LOC128706666: variants seen among roughly 807,000 people sequenced by gnomAD.
the LOC128706666 span, among the ~76,000 whole-genome samples, chr20:10,426,722 G>A: frequency 1.4e-4 from 22 of 152,148 alleles, no homozygotes; most frequent in Non-Finnish European, 3.2e-4. Flanking sequence ...TGATTTTCAT[G>A]TCAGGTATAT....
At chr20:10,413,890 C>A in the LOC128706666 span, 1 of 422,314 alleles carries the variant, frequency 2.4e-6, no homozygotes, top group Non-Finnish European at 4.2e-6. Context: ...TTTTTCATCT[C>A]TTCTTTCGAT....
chr20:10,420,032 A>G, the LOC128706666 span, among the ~76,000 whole-genome samples: 3 of 152,158 alleles, frequency 2.0e-5, no homozygotes, highest in Admixed American at 1.3e-4. Context: ...AACTTTTTGA[A>G]TTTTGGAATT....
the LOC128706666 span, among the ~76,000 whole-genome samples, chr20:10,417,914 A>G: frequency 7.7e-4 from 118 of 152,304 alleles, 1 homozygote; most frequent in Middle Eastern, 0.01. Flanking sequence ...GAATGTGGGA[A>G]ATTTTTTAAA....
At chr20:10,416,378 G>T in the LOC128706666 span, among the ~76,000 whole-genome samples, 1 of 151,936 alleles carries the variant, frequency 6.6e-6, no homozygotes, top group African/African-American at 2.4e-5. Context: ...CCAAAAGTAA[G>T]GATGTTATTA....
the LOC128706666 span, among the ~76,000 whole-genome samples, chr20:10,431,093 T>C: frequency 2.0e-5 from 3 of 152,192 alleles, no homozygotes; most frequent in Non-Finnish European, 4.4e-5. Context: ...GTGCCTAGCA[T>C]GTGGGAAGTG....
the LOC128706666 span, among the ~76,000 whole-genome samples, chr20:10,417,181 G>T: frequency 6.6e-6 from 1 of 150,770 alleles, no homozygotes; most frequent in Non-Finnish European, 1.5e-5. Context: ...AACCCAGAAG[G>T]CAGAGGTTGC....
the LOC128706666 span, among the ~76,000 whole-genome samples, chr20:10,417,320 A>G: frequency 6.6e-6 from 1 of 152,006 alleles, no homozygotes. Context: ...TGTTAATCTT[A>G]GCAACACTGG....
At chr20:10,417,753 C>T in the LOC128706666 span, among the ~76,000 whole-genome samples, 4 of 151,772 alleles carry the variant, frequency 2.6e-5, no homozygotes, top group African/African-American at 9.7e-5. Flanking sequence ...ATCTATTCCA[C>T]AGTACCATCC....
At chr20:10,424,411 AT>A in the LOC128706666 span, among the ~76,000 whole-genome samples, 1 of 152,080 alleles carries the variant, frequency 6.6e-6, no homozygotes, top group Non-Finnish European at 1.5e-5. Context: ...AAAAACATAT[AT>A]TTTTAAAAAA....
At chr20:10,421,416 CAAAAA>C in the LOC128706666 span, among the ~76,000 whole-genome samples, 69 of 86,122 alleles carry the variant, frequency 8.0e-4, no homozygotes, top group African/African-American at 2.1e-3. Context: ...GACTCCATCA[CAAAAA>C]AAAAAAAAAA....
chr20:10,417,002 G>A, the LOC128706666 span, among the ~76,000 whole-genome samples: 1 of 152,078 alleles, frequency 6.6e-6, no homozygotes, highest in South Asian at 2.1e-4. Flanking sequence ...CCAATTTCTA[G>A]GTTACAGCAA....
the LOC128706666 span, among the ~76,000 whole-genome samples, chr20:10,428,650 C>T: frequency 1.3e-5 from 2 of 152,214 alleles, no homozygotes; most frequent in African/African-American, 4.8e-5. Context: ...ACCAGTTTGG[C>T]CAAGATGGTG....
chr20:10,426,793 G>A, the LOC128706666 span, among the ~76,000 whole-genome samples: 197 of 152,232 alleles, frequency 1.3e-3, 1 homozygote, highest in African/African-American at 4.5e-3. Flanking sequence ...CAGTTCTGGA[G>A]GTAAGAAAAA....
the LOC128706666 span, among the ~76,000 whole-genome samples, chr20:10,431,124 A>G: frequency 6.6e-6 from 1 of 152,186 alleles, no homozygotes; most frequent in Non-Finnish European, 1.5e-5. Context: ...GGCAGCCATT[A>G]CTTTTATTGG....
At chr20:10,422,387 A>C in the LOC128706666 span, among the ~76,000 whole-genome samples, 1 of 152,230 alleles carries the variant, frequency 6.6e-6, no homozygotes, top group African/African-American at 2.4e-5. Flanking sequence ...TTTAGAGGGA[A>C]TCAATTACAA....
chr20:10,432,773 G>C, the LOC128706666 span, among the ~76,000 whole-genome samples: 1 of 118,190 alleles, frequency 8.5e-6, no homozygotes, highest in African/African-American at 3.1e-5. Context: ...CTGCGCGACA[G>C]AGCGAGACTC....
At chr20:10,424,208 A>G in the LOC128706666 span, among the ~76,000 whole-genome samples, 7 of 152,104 alleles carry the variant, frequency 4.6e-5, no homozygotes, top group African/African-American at 1.7e-4. Flanking sequence ...TGACATTGGC[A>G]TATAATGAGA....
the LOC128706666 span, among the ~76,000 whole-genome samples, chr20:10,424,747 GT>G: frequency 1.3e-5 from 2 of 152,048 alleles, no homozygotes; most frequent in African/African-American, 2.4e-5. Context: ...TTCCTCTGTG[GT>G]TTTTTACAAA....
the LOC128706666 span, among the ~76,000 whole-genome samples, chr20:10,425,148 A>T: frequency 6.6e-6 from 1 of 152,188 alleles, no homozygotes; most frequent in Non-Finnish European, 1.5e-5. Context: ...TAGCAAATAT[A>T]GAAACAAGGA....
Sources: gnomAD v4.1 joint callset for allele counts (sites outside exome capture counted in the v4.1 genomes callset) on GRCh38, gnomAD v4.1.1 for gene constraint, MANE v1.5 for transcripts.